MALRD1: variants seen among roughly 807,000 people sequenced by gnomAD.
The protein encoded by MALRD1 is MAM and LDL receptor class A domain containing 1, also known as MAM and LDL-receptor class A domain-containing protein 1.
MALRD1 carries 247 observed loss-of-function variants against 242.1 expected under a neutral mutation model. The ratio of observed to expected loss-of-function variants is 1.02; its 90% CI spans 0.92 to 1.13. The LOEUF (loss-of-function observed/expected upper bound fraction) is 1.13, where lower values mean the gene tolerates loss of function less well. MALRD1 is among the 50% of genes most tolerant of loss of function. The probability of loss-of-function intolerance (pLI) is 0.00; values close to 1 mark genes in which losing one functional copy is unlikely to be tolerated. For missense variants in MALRD1, 2,989 were observed against 2,533.1 expected (o/e 1.18, Z -3.86); for synonymous variants, 995 against 866.6 (o/e 1.15, Z -2.60).
chr10:19,055,919 A>G (rs1418936396), intron 1 of MALRD1, among the ~76,000 whole-genome samples: 1 of 152,096 alleles, frequency 6.6e-6, no homozygotes, highest in African/African-American at 2.4e-5. Flanking sequence ...GGGTAGCAAA[A>G]TAATCTACAC....
At chr10:19,515,758 T>A (rs985653417) in intron 31 of MALRD1, among the ~76,000 whole-genome samples, 1 of 151,854 alleles carries the variant, frequency 6.6e-6, no homozygotes, top group African/African-American at 2.4e-5. Flanking sequence ...TTAGTAGAGA[T>A]GGGGTTTCAC....
chr10:19,167,761 C>G (rs1490429470), intron 13 of MALRD1, among the ~76,000 whole-genome samples: 1 of 152,038 alleles, frequency 6.6e-6, no homozygotes, highest in East Asian at 1.9e-4. Context: ...ATCGAGCTCC[C>G]CCAGGTTACT....
intron 32 of MALRD1, among the ~76,000 whole-genome samples, chr10:19,549,150 G>A (rs1214252403): frequency 6.6e-6 from 1 of 152,192 alleles, no homozygotes; most frequent in East Asian, 1.9e-4. Flanking sequence ...GGCTGAGAGA[G>A]GTGAGGAAGC....
intron 36 of MALRD1, among the ~76,000 whole-genome samples, chr10:19,674,330 C>G (rs914779202): frequency 3.9e-5 from 6 of 152,094 alleles, no homozygotes; most frequent in Admixed American, 6.5e-5. Flanking sequence ...ACTCGGTAGC[C>G]AACATGTTCA....
rs1835198941 is a variant in MALRD1 at position 19,449,517 on chromosome 10, A to T, written c.4846-790A>T. On this transcript the variant is annotated intron_variant, in intron 28 of 39. Transcript: ENST00000454679. ...TTTTGGGAAATATTTTAGTAGATTA[A>T]TATGCCTCTGTTTTGGTGAGATAAA... 2.0e-5 allele frequency among the ~76,000 whole-genome samples: 3 copies of T among 151,298 alleles called. No individual in the cohort carries two copies. In the South Asian group the frequency reaches 6.2e-4, roughly 31 times the overall value.
intron 26 of MALRD1, among the ~76,000 whole-genome samples, chr10:19,356,542 TA>T (rs1378162318): frequency 2.0e-5 from 3 of 152,198 alleles, no homozygotes; most frequent in South Asian, 4.1e-4. Flanking sequence ...CAGTATAAAG[TA>T]TTAATGAGAT....
At chr10:19,160,994 C>T (rs1834370388) in intron 12 of MALRD1, among the ~76,000 whole-genome samples, 2 of 151,730 alleles carry the variant, frequency 1.3e-5, no homozygotes, top group African/African-American at 4.8e-5. Context: ...CCAGCCATCC[C>T]ATTACTGGGT....
chr10:19,315,195 T>C (rs1024100701), intron 21 of MALRD1, among the ~76,000 whole-genome samples: 3 of 123,276 alleles, frequency 2.4e-5, no homozygotes, highest in African/African-American at 9.5e-5. Flanking sequence ...TAAATATAAT[T>C]TATAGAAATA....
chr10:19,125,134 CAG>C (rs1034654143), intron 7 of MALRD1, among the ~76,000 whole-genome samples: 3 of 151,272 alleles, frequency 2.0e-5, no homozygotes, highest in African/African-American at 7.3e-5. Context: ...TTAGTGGAGA[CAG>C]GAATTCACCA....
intron 26 of MALRD1, among the ~76,000 whole-genome samples, chr10:19,372,786 C>T (rs898867103): frequency 2.6e-5 from 4 of 151,928 alleles, no homozygotes; most frequent in African/African-American, 7.3e-5. Flanking sequence ...ATTTTTTAAA[C>T]TCCATTTATG....
chr10:19,687,951 ATGTTAT>A (rs1842654748), intron 36 of MALRD1, among the ~76,000 whole-genome samples: 2 of 150,490 alleles, frequency 1.3e-5, no homozygotes, highest in Admixed American at 1.3e-4. Context: ...ATGTTATGTT[ATGTTAT>A]GTTATGTTAT....
At chr10:19,218,694 G>T (rs1837431425) in intron 18 of MALRD1, among the ~76,000 whole-genome samples, 1 of 152,064 alleles carries the variant, frequency 6.6e-6, no homozygotes, top group Admixed American at 6.6e-5. Context: ...CTTCTTTAAA[G>T]TCTTACAGGT....
At chr10:19,350,124 G>C (rs1312901241) in intron 25 of MALRD1, among the ~76,000 whole-genome samples, 4 of 151,920 alleles carry the variant, frequency 2.6e-5, no homozygotes, top group Non-Finnish European at 4.4e-5. Flanking sequence ...ATTTTTATGA[G>C]AATCACCTCT....
At chr10:19,709,243 T>TAAAAAAAAAAAAAAAAAAAAA (rs557818453) in intron 38 of MALRD1, among the ~76,000 whole-genome samples, 2 of 105,950 alleles carry the variant, frequency 1.9e-5, no homozygotes, top group African/African-American at 7.3e-5. Flanking sequence ...CCGTCTGTAC[T>TAAAAAAAAAAAAAAAAAAAAA]AAAAAAAAAA....
intron 26 of MALRD1, among the ~76,000 whole-genome samples, chr10:19,367,439 G>C (rs933516959): frequency 6.6e-6 from 1 of 152,020 alleles, no homozygotes; most frequent in South Asian, 2.1e-4. Context: ...TGCTCACGAT[G>C]GGATTTCTTG....
intron 2 of MALRD1, among the ~76,000 whole-genome samples, chr10:19,080,362 A>G (rs1835446826): frequency 6.6e-6 from 1 of 152,084 alleles, no homozygotes; most frequent in African/African-American, 2.4e-5. Flanking sequence ...ACCCAACTTC[A>G]AACTATACTA....
intron 31 of MALRD1, among the ~76,000 whole-genome samples, chr10:19,511,749 A>T (rs113421014): frequency 0.04 from 6,126 of 152,326 alleles, 169 homozygotes; most frequent in Admixed American, 0.057. Context: ...TTAACATGAC[A>T]TAGTCAACAT....
intron 38 of MALRD1, chr10:19,721,710 G>T (rs1000518038): frequency 3.9e-5 from 6 of 152,184 alleles, no homozygotes; most frequent in Non-Finnish European, 2.9e-5. Context: ...TAGTACCAAG[G>T]TGATTTTTTT....
intron 14 of MALRD1, among the ~76,000 whole-genome samples, chr10:19,198,014 A>G (rs1389638811): frequency 6.6e-6 from 1 of 152,162 alleles, no homozygotes; most frequent in Non-Finnish European, 1.5e-5. Flanking sequence ...TGAATTTCCC[A>G]CACTAGAGTC....
Sources: gnomAD v4.1 joint callset for allele counts (sites outside exome capture counted in the v4.1 genomes callset) on GRCh38, gnomAD v4.1.1 for gene constraint, MANE v1.5 for transcripts, NCBI Gene and HGNC (gene_info 2026-07-23, HGNC 2026-07-21) for gene names.